The following RBFOX1 variants were observed in gnomAD, a reference collection of about 807,000 sequenced individuals.
RBFOX1 encodes the protein RNA binding fox-1 homolog 1, also known as RNA binding protein fox-1 homolog 1.
A neutral mutation model predicts 57.7 loss-of-function variants in RBFOX1; 8 were observed. The observed-to-expected ratio is 0.14, with a 90% CI of 0.08 to 0.25. RBFOX1 has a LOEUF of 0.25. Ranked by LOEUF, RBFOX1 falls within the 10% of genes least tolerant of loss-of-function variation. RBFOX1 has a pLI of 1.00. For synonymous variants in RBFOX1, 326 were observed against 222.4 expected (o/e 1.47, Z -4.15); for missense variants, 611 against 548.5 (o/e 1.11, Z -1.14).
chr16:5,566,623 T>G (rs2046080017), intron 2 of RBFOX1, among the ~76,000 whole-genome samples: 1 of 149,616 alleles, frequency 6.7e-6, no homozygotes. Flanking sequence ...TGTATATGTA[T>G]GTATATATGT....
At chr16:5,916,744 A>C (rs2058711854) in intron 4 of RBFOX1, among the ~76,000 whole-genome samples, 1 of 152,116 alleles carries the variant, frequency 6.6e-6, no homozygotes, top group Admixed American at 6.5e-5. Context: ...TAAGCTGCTT[A>C]TCTCTGACTC....
intron 1 of RBFOX1, among the ~76,000 whole-genome samples, chr16:5,370,486 C>T (rs1405531836): frequency 7.7e-6 from 1 of 130,340 alleles, no homozygotes; most frequent in African/African-American, 2.9e-5. Flanking sequence ...TGGCTTTTTA[C>T]AAAATTATTA....
chr16:6,544,487 CAT>C (rs2096867987), intron 2 of RBFOX1, among the ~76,000 whole-genome samples: 2 of 152,252 alleles, frequency 1.3e-5, no homozygotes, highest in South Asian at 2.1e-4. Flanking sequence ...TGTAGGATCT[CAT>C]AGGAAATTTT....
intron 2 of RBFOX1, among the ~76,000 whole-genome samples, chr16:5,496,042 C>G (rs1038684820): frequency 6.6e-6 from 1 of 152,170 alleles, no homozygotes; most frequent in African/African-American, 2.4e-5. Context: ...AGAAGAATTG[C>G]TTCAACCCAG....
intron 5 of RBFOX1, among the ~76,000 whole-genome samples, chr16:7,545,391 C>A (rs2084174711): frequency 6.6e-6 from 1 of 152,126 alleles, no homozygotes; most frequent in African/African-American, 2.4e-5. Context: ...CCTTTATATT[C>A]TTCGGGGGGC....
At chr16:5,260,615 T>G (rs1033860557) in intron 1 of RBFOX1, 5 of 152,240 alleles carry the variant, frequency 3.3e-5, no homozygotes, top group Non-Finnish European at 7.3e-5. Flanking sequence ...GTCTTTACAG[T>G]TGACTGACCA....
intron 4 of RBFOX1, among the ~76,000 whole-genome samples, chr16:7,323,138 G>C (rs2096567300): frequency 1.3e-5 from 2 of 152,160 alleles, no homozygotes; most frequent in African/African-American, 4.8e-5. Flanking sequence ...AAATGTCCAA[G>C]CTAAGACTGG....
intron 1 of RBFOX1, among the ~76,000 whole-genome samples, chr16:6,080,652 CAG>C (rs1341860665): frequency 2.0e-5 from 3 of 152,114 alleles, no homozygotes; most frequent in African/African-American, 7.2e-5. Context: ...CGTTTATGAA[CAG>C]GGGTATATAT....
At chr16:6,764,847 G>C (rs1446862119) in intron 3 of RBFOX1, among the ~76,000 whole-genome samples, 1 of 152,092 alleles carries the variant, frequency 6.6e-6, no homozygotes, top group Non-Finnish European at 1.5e-5. Context: ...TGAGGCAGGA[G>C]AATCTCTTGA....
intron 13 of RBFOX1, among the ~76,000 whole-genome samples, chr16:7,670,582 A>T (rs151222163): frequency 6.6e-6 from 1 of 152,316 alleles, no homozygotes; most frequent in Non-Finnish European, 1.5e-5. Context: ...GGAAATATTC[A>T]AGTAAGCAGT....
At chr16:6,593,497 G>A (rs1253955620) in intron 2 of RBFOX1, among the ~76,000 whole-genome samples, 5 of 152,278 alleles carry the variant, frequency 3.3e-5, no homozygotes, top group African/African-American at 7.2e-5. Context: ...ACTAGAGGGA[G>A]AATTGAGCCT....
chr16:6,529,474 G>T (rs182718324), intron 2 of RBFOX1, among the ~76,000 whole-genome samples: 1 of 151,970 alleles, frequency 6.6e-6, no homozygotes, highest in Non-Finnish European at 1.5e-5. Flanking sequence ...CAGGAAAATC[G>T]CTTGAACCTA....
At chr16:6,266,342 G>T (rs544466623) in intron 1 of RBFOX1, among the ~76,000 whole-genome samples, 2 of 152,276 alleles carry the variant, frequency 1.3e-5, no homozygotes, top group East Asian at 1.9e-4. Flanking sequence ...ATGATATTCC[G>T]TTGTGTCTCA....
intron 3 of RBFOX1, among the ~76,000 whole-genome samples, chr16:6,992,447 A>G (rs1302589050): frequency 6.6e-5 from 10 of 152,040 alleles, no homozygotes; most frequent in African/African-American, 2.4e-4. Context: ...TGAACTCTTG[A>G]TCTCACGTGA....
In RBFOX1 at chr16:7,339,061, G is replaced by A. The variant is rs577145161; in HGVS notation, c.28-179086G>A. Among the ~76,000 whole-genome samples the A allele has an allele frequency of 2.6e-5, 4 of 152,328 alleles. 1 individual carries two copies. Among genetic ancestry groups the A allele is most frequent in the African/African-American group, 9.6e-5 (4 of 41,582 alleles). On this transcript the variant is annotated intron_variant, in intron 4 of 15. Transcript: ENST00000550418. Reference sequence around the variant, plus strand: ...GCGGACTAAATTAAAGAGTCAGGGAGGTGGCAGAGAGAATTTGGAGTCAAA... The same window carrying A: ...GCGGACTAAATTAAAGAGTCAGGGAAGTGGCAGAGAGAATTTGGAGTCAAA...
chr16:6,539,806 G>GACACAGACACACACACACACACAC (rs1555534083), intron 2 of RBFOX1, among the ~76,000 whole-genome samples: 7 of 136,234 alleles, frequency 5.1e-5, no homozygotes, highest in African/African-American at 1.6e-4. Context: ...TCAAAACACA[G>GACACAGACACACACACACACACAC]ACACACACAC....
chr16:6,985,045 A>G (rs1312082974), intron 3 of RBFOX1, among the ~76,000 whole-genome samples: 1 of 151,950 alleles, frequency 6.6e-6, no homozygotes, highest in African/African-American at 2.4e-5. Flanking sequence ...CCAGATCCCA[A>G]TGAGTTAGTT....
intron 4 of RBFOX1, among the ~76,000 whole-genome samples, chr16:7,087,462 G>T (rs769135758): frequency 1.9e-4 from 29 of 151,820 alleles, no homozygotes; most frequent in Middle Eastern, 3.4e-3. Context: ...AAAGTGTCTG[G>T]ATTTGCTCAT....
chr16:6,957,406 G>C (rs531835260), intron 3 of RBFOX1, among the ~76,000 whole-genome samples: 1 of 149,794 alleles, frequency 6.7e-6, no homozygotes, highest in African/African-American at 2.5e-5. Context: ...ACGCTCAGCC[G>C]GTTATTTCTT....
Sources: allele counts gnomAD v4.1 joint callset (sites outside exome capture counted in the v4.1 genomes callset), GRCh38; gene constraint gnomAD v4.1.1; transcripts MANE v1.5; gene names NCBI Gene and HGNC (gene_info 2026-07-23, HGNC 2026-07-21).